Variants in FRMPD4 observed in about 807,000 individuals in gnomAD.
FRMPD4 encodes FERM and PDZ domain containing 4.
Under a neutral mutation model 94.1 loss-of-function variants are expected in FRMPD4, and 22 were observed. The observed-to-expected ratio is 0.23, with a 90% CI of 0.17 to 0.33. The LOEUF is 0.33. Among genes scored for constraint, FRMPD4 ranks in the 10% least tolerant of loss-of-function variants. The pLI, the probability that FRMPD4 is intolerant of heterozygous loss-of-function variation, is 1.00. For missense variants in FRMPD4, 1,111 were observed against 1,339.9 expected (o/e 0.83, Z 2.67); for synonymous variants, 631 against 548.6 (o/e 1.15, Z -2.10).
At chrX:11,831,692 A>G (rs1285911500) in intron 1 of FRMPD4, among the ~76,000 whole-genome samples, 1 of 111,027 alleles carries the variant, frequency 9.0e-6, no homozygotes, top group Non-Finnish European at 1.9e-5. Flanking sequence ...TAGAAGGGAG[A>G]GAAGAGAATC....
At chrX:12,263,444 C>T (rs1011192120) in intron 1 of FRMPD4, among the ~76,000 whole-genome samples, 2 of 111,741 alleles carry the variant, frequency 1.8e-5, no homozygotes, top group African/African-American at 3.3e-5. Context: ...TATACAGGAC[C>T]TTGTCAGGCA....
chrX:12,350,801 A>G (rs763475368), intron 1 of FRMPD4, among the ~76,000 whole-genome samples: 2 of 112,710 alleles, frequency 1.8e-5, no homozygotes, highest in Non-Finnish European at 3.8e-5. Context: ...AAGAAGGTAC[A>G]TAATGACAGA....
chrX:12,072,813 A>G (rs1323644695), intron 3 of FRMPD4, among the ~76,000 whole-genome samples: 2 of 111,270 alleles, frequency 1.8e-5, no homozygotes, highest in Non-Finnish European at 1.9e-5. Flanking sequence ...TTTTAAAGCA[A>G]TATAATTTAT....
At chrX:12,241,870 C>T (rs1413587634) in intron 1 of FRMPD4, among the ~76,000 whole-genome samples, 3 of 108,649 alleles carry the variant, frequency 2.8e-5, no homozygotes, top group Non-Finnish European at 5.7e-5. Context: ...CACTGCACTC[C>T]AGCCTGGGCA....
chrX:11,924,579 C>G (rs1308534670), intron 3 of FRMPD4, among the ~76,000 whole-genome samples: 1 of 112,169 alleles, frequency 8.9e-6, no homozygotes, highest in Admixed American at 9.4e-5. Flanking sequence ...ACCCTACAAG[C>G]CAGGAGAGAT....
intron 1 of FRMPD4, among the ~76,000 whole-genome samples, chrX:12,300,396 C>T (rs1569223676): frequency 1.8e-5 from 2 of 111,169 alleles, no homozygotes; most frequent in Non-Finnish European, 3.8e-5. Flanking sequence ...GGAAAGGGGA[C>T]AGGGAATTCG....
At chrX:12,290,787 C>G (rs962242176) in intron 1 of FRMPD4, among the ~76,000 whole-genome samples, 1 of 111,263 alleles carries the variant, frequency 9.0e-6, no homozygotes, top group African/African-American at 3.3e-5. Flanking sequence ...TTGACACTCC[C>G]CATTGTAATT....
At chrX:11,904,267 A>G (rs1445917370) in intron 3 of FRMPD4, among the ~76,000 whole-genome samples, 1 of 112,101 alleles carries the variant, frequency 8.9e-6, no homozygotes, top group South Asian at 3.7e-4. Context: ...GTCTGTTTCA[A>G]GAAAAGCCAG....
intron 1 of FRMPD4, among the ~76,000 whole-genome samples, chrX:11,860,866 G>A (rs1445854700): frequency 8.9e-6 from 1 of 111,824 alleles, no homozygotes; most frequent in Non-Finnish European, 1.9e-5. Flanking sequence ...GGGAGATGAA[G>A]TTTGATTAAT....
At chrX:12,516,832 C>T (rs1325139069) in intron 2 of FRMPD4, among the ~76,000 whole-genome samples, 1 of 109,817 alleles carries the variant, frequency 9.1e-6, no homozygotes, top group Non-Finnish European at 1.9e-5. Context: ...GGTACTCAAT[C>T]AGTCATAGGT....
chrX:12,197,315 C>T (rs2056578940), intron 1 of FRMPD4, among the ~76,000 whole-genome samples: 1 of 111,266 alleles, frequency 9.0e-6, no homozygotes, highest in South Asian at 3.7e-4. Context: ...CCCTATGAGA[C>T]AGCGACCCAT....
intron 3 of FRMPD4, among the ~76,000 whole-genome samples, chrX:12,124,328 C>G (rs857357): frequency 0.1 from 11,647 of 111,048 alleles, 550 homozygotes; most frequent in African/African-American, 0.17. Flanking sequence ...ATTTTTTTCT[C>G]CCACACTAGA....
intron 4 of FRMPD4, among the ~76,000 whole-genome samples, chrX:12,651,566 G>C (rs1164833628): frequency 1.8e-5 from 2 of 110,348 alleles, no homozygotes; most frequent in East Asian, 5.7e-4. Context: ...CTCATTTCTT[G>C]AACAATTTTA....
chrX:12,707,146 G>A (rs2041891548), intron 12 of FRMPD4, among the ~76,000 whole-genome samples: 1 of 110,794 alleles, frequency 9.0e-6, no homozygotes, highest in Non-Finnish European at 1.9e-5. Context: ...TCTAACAATG[G>A]CCTTCTTTTA....
chrX:12,041,560 T>TG (rs147017200), intron 3 of FRMPD4, among the ~76,000 whole-genome samples: 1 of 111,686 alleles, frequency 9.0e-6, no homozygotes, highest in Non-Finnish European at 1.9e-5. Context: ...GAGTCATTTT[T>TG]TTTTTTCTGC....
chrX:12,265,365 C>T (rs1323277441), intron 1 of FRMPD4, among the ~76,000 whole-genome samples: 1 of 112,034 alleles, frequency 8.9e-6, no homozygotes, highest in African/African-American at 3.2e-5. Flanking sequence ...GAAAAAGAAG[C>T]CCAGTAACTG....
intron 3 of FRMPD4, among the ~76,000 whole-genome samples, chrX:12,061,766 C>G (rs1162471975): frequency 9.0e-6 from 1 of 111,376 alleles, no homozygotes; most frequent in Non-Finnish European, 1.9e-5. Context: ...TAAAATAATT[C>G]ACTTATTTTC....
chrX:12,317,014 C>T (rs1197987221), intron 1 of FRMPD4, among the ~76,000 whole-genome samples: 2 of 111,920 alleles, frequency 1.8e-5, no homozygotes, highest in African/African-American at 6.5e-5. Flanking sequence ...TAATGAACTT[C>T]CTATTGCCAT....
At chrX:11,926,819 T>C (rs1336520686) in intron 3 of FRMPD4, among the ~76,000 whole-genome samples, 1 of 111,058 alleles carries the variant, frequency 9.0e-6, no homozygotes, top group African/African-American at 3.3e-5. Flanking sequence ...GCTAGAAGCA[T>C]TCCCTTTAAA....
Sources: gnomAD v4.1 joint callset for allele counts (sites outside exome capture counted in the v4.1 genomes callset) on GRCh38, gnomAD v4.1.1 for gene constraint, MANE v1.5 for transcripts, NCBI Gene and HGNC (gene_info 2026-07-23, HGNC 2026-07-21) for gene names.